MAP4: variants seen among roughly 807,000 people sequenced by gnomAD.
MAP4 encodes microtubule associated protein 4, also known as microtubule-associated protein 4.
In MAP4, 76 loss-of-function variants were observed where a neutral mutation model predicts 170.2. The ratio of observed to expected loss-of-function variants is 0.45; its 90% CI spans 0.37 to 0.54. The LOEUF (loss-of-function observed/expected upper bound fraction) is 0.54, where lower values mean the gene tolerates loss of function less well. MAP4 is among the 20% of genes least tolerant of loss of function. The pLI, the probability that MAP4 is intolerant of heterozygous loss-of-function variation, is 0.00. For synonymous variants in MAP4, 909 were observed against 994.5 expected (o/e 0.91, Z 1.62); for missense variants, 2,506 against 2,748.0 (o/e 0.91, Z 1.97).
intron 3 of MAP4, among the ~76,000 whole-genome samples, chr3:47,958,682 ATTT>A (rs769235654): frequency 4.9e-5 from 6 of 121,448 alleles, no homozygotes; most frequent in African/African-American, 3.1e-5. Context: ...CACCCGGCTA[ATTT>A]TTTTTTTTTT....
At position 48,077,171 on chromosome 3, in the gene MAP4, G is replaced by A. The variant is rs144108268; in HGVS notation, c.-20+11602C>T. Among the ~76,000 whole-genome samples the A allele has an allele frequency of 1.4e-4, 22 of 152,166 alleles. No homozygotes were observed. The East Asian group carries it at 3.7e-3, about 25-fold the overall frequency. On this transcript the variant is annotated intron_variant, in intron 1 of 18. Transcript: ENST00000360240. ...CAAAAAAGAAAAGAAAGCCAGGCACGGTGGCTCACGCCTGTAATCCCAGCA... is the reference window on the plus strand; with the variant it reads ...CAAAAAAGAAAAGAAAGCCAGGCACAGTGGCTCACGCCTGTAATCCCAGCA...
intron 1 of MAP4, among the ~76,000 whole-genome samples, chr3:48,005,732 A>G (rs2100101946): frequency 6.6e-6 from 1 of 152,246 alleles, no homozygotes; most frequent in African/African-American, 2.4e-5. Context: ...GGGAGGGTCC[A>G]GAAGATATAC....
intron 1 of MAP4, among the ~76,000 whole-genome samples, chr3:48,027,737 C>G (rs1020861592): frequency 6.6e-6 from 1 of 151,960 alleles, no homozygotes; most frequent in Non-Finnish European, 1.5e-5. Context: ...ACTCAGGAGA[C>G]TAAAATGGGA....
chr3:47,993,706 C>A (rs1288897877), intron 2 of MAP4, among the ~76,000 whole-genome samples: 1 of 152,184 alleles, frequency 6.6e-6, no homozygotes, highest in African/African-American at 2.4e-5. Flanking sequence ...AAAGCACAAT[C>A]AAAGCAATGG....
At chr3:48,003,488 C>T (rs538457284) in intron 1 of MAP4, among the ~76,000 whole-genome samples, 16 of 147,202 alleles carry the variant, frequency 1.1e-4, no homozygotes, top group Non-Finnish European at 2.1e-4. Context: ...TTAAATTGTA[C>T]AAAACTGTTA....
At chr3:47,970,216 T>TG (rs1398862430) in intron 3 of MAP4, among the ~76,000 whole-genome samples, 1 of 152,248 alleles carries the variant, frequency 6.6e-6, no homozygotes, top group Admixed American at 6.5e-5. Context: ...CTGGGCATGG[T>TG]GGCTCATGCC....
In MAP4 at chr3:47,949,953, C is replaced by A. The variant is rs562993851; in HGVS notation, c.293-21603G>T. Among the ~76,000 whole-genome samples the A allele has an allele frequency of 2.0e-5, 3 of 152,326 alleles. No individual in the cohort carries two copies. The South Asian group carries it at 6.2e-4, about 32-fold the overall frequency. ...ACTTCCCAGTGATTTTCGACAGCAC[C>A]ACCCAGAGCAGCTTCCTAGACAGTT... On this transcript the variant is annotated intron_variant, in intron 3 of 20. Coordinates refer to ENST00000683076, the MANE Select transcript of MAP4 (RefSeq NM_001385682.1).
At chr3:48,008,851 G>A (rs1041668089) in intron 1 of MAP4, among the ~76,000 whole-genome samples, 7 of 152,152 alleles carry the variant, frequency 4.6e-5, no homozygotes, top group Non-Finnish European at 1.0e-4. Flanking sequence ...CCTGGCTACG[G>A]CCACTGCTGA....
intron 3 of MAP4, among the ~76,000 whole-genome samples, chr3:47,934,381 T>TAA (rs911892245): frequency 1.3e-5 from 2 of 152,142 alleles, no homozygotes; most frequent in Admixed American, 6.6e-5. Context: ...CAGCTCACCC[T>TAA]AAACTCCGTC....
chr3:48,070,873 G>C (rs1247738572), intron 1 of MAP4, among the ~76,000 whole-genome samples: 1 of 150,284 alleles, frequency 6.7e-6, no homozygotes, highest in African/African-American at 2.4e-5. Flanking sequence ...AACTTAGCCA[G>C]GTCCAGGTCC....
At chr3:48,012,981 T>C (rs76836788) in intron 1 of MAP4, among the ~76,000 whole-genome samples, 1,911 of 151,856 alleles carry the variant, frequency 0.013, 35 homozygotes, top group Admixed American at 0.04. Flanking sequence ...GTTTTTTTTT[T>C]CCCAGAAATC....
At chr3:48,039,549 A>T (rs2100120580) in intron 1 of MAP4, 1 of 152,390 alleles carries the variant, frequency 6.6e-6, no homozygotes, top group African/African-American at 2.4e-5. Flanking sequence ...TGCCAAAAAT[A>T]AATAAAAGTA....
At chr3:47,948,586 C>T (rs2100061648) in intron 3 of MAP4, among the ~76,000 whole-genome samples, 1 of 151,910 alleles carries the variant, frequency 6.6e-6, no homozygotes, top group Non-Finnish European at 1.5e-5. Context: ...CATACCAAGT[C>T]ATCAGAAGAG....
intron 1 of MAP4, among the ~76,000 whole-genome samples, chr3:48,071,173 G>A (rs2100140828): frequency 6.6e-6 from 1 of 152,132 alleles, no homozygotes; most frequent in African/African-American, 2.4e-5. Flanking sequence ...ACTGCAAATG[G>A]TTTGTTACCC....
chr3:47,946,137 G>A (rs958718115), intron 3 of MAP4, among the ~76,000 whole-genome samples: 1 of 149,902 alleles, frequency 6.7e-6, no homozygotes, highest in African/African-American at 2.4e-5. Flanking sequence ...TAGAGATGGG[G>A]TTTCACCATG....
Position 47,920,354 on chromosome 3 carries a change from G to A in MAP4, c.529+1411C>T, listed in dbSNP as rs145835444. Among the ~76,000 whole-genome samples, 530 of 151,452 alleles carry A rather than the reference G, an allele frequency of 3.5e-3. 26 individuals carry two copies. The East Asian group carries it at 0.085, about 24-fold the overall frequency. ...ACTCCTGACCTCAGGTGATCTGCCC[G>A]CCTCTGCCTCCCAAAGTGCTGGGAT... On this transcript the variant is annotated intron_variant, in intron 5 of 20. Coordinates refer to ENST00000683076, the MANE Select transcript of MAP4 (RefSeq NM_001385682.1).
chr3:47,892,036 C>A (rs1483424646), intron 10 of MAP4: 4 of 1,536,258 alleles, frequency 2.6e-6, no homozygotes, highest in East Asian at 2.4e-5. Flanking sequence ...CTAGTCCATT[C>A]TTCCCTGCCA....
chr3:47,911,136 C>T lies in MAP4; in HGVS notation c.3285G>A (p.Arg1095=). Residue 1095 remains arginine (R), a synonymous_variant, in exon 9 of 21, where the codon AGG becomes AGA. Coordinates refer to ENST00000683076, the MANE Select transcript of MAP4 (RefSeq NM_001385682.1). This position sits in a 1 kb window ranked among gnomAD's most constrained non-coding sequence, Gnocchi z 4.0. ...PFLLDSQKDG[R]AVLIPSEPVS... is the part of the protein sequence containing the mutation. ...CTGGCTCACTCGGTATGAGAACAGC[C>T]CTTCCGTCCTTCTGGCTGTCCAGAA... is the stretch of plus-strand genomic sequence containing the variant. 6.5e-7 allele frequency: 1 copy of T among 1,536,098 alleles called. No homozygotes were observed. The highest frequency in any genetic ancestry group is 8.7e-7 in the Non-Finnish European group (1 of 1,146,912).
intron 11 of MAP4, among the ~76,000 whole-genome samples, chr3:47,876,136 CTTT>C (rs4032093): frequency 1.1e-5 from 1 of 92,246 alleles, no homozygotes; most frequent in African/African-American, 5.4e-5. Context: ...CTTTTTCTTT[CTTT>C]TTTTTTTTTT....
Sources: allele counts gnomAD v4.1 joint callset (sites outside exome capture counted in the v4.1 genomes callset), GRCh38; gene constraint gnomAD v4.1.1; non-coding constraint Gnocchi (gnomAD v3.1); transcripts MANE v1.5; gene names NCBI Gene and HGNC (gene_info 2026-07-23, HGNC 2026-07-21).